Variants in ENTREP2 observed in about 807,000 individuals in gnomAD.
ENTREP2 encodes protein ENTREP2.
chr15:29,168,375 G>T, the ENTREP2 span, among the ~76,000 whole-genome samples: 2 of 152,134 alleles, frequency 1.3e-5, no homozygotes, highest in South Asian at 2.1e-4. Flanking sequence ...ACCCAATAAA[G>T]AAAGAAAGTA....
chr15:29,585,099 G>T, the ENTREP2 span, among the ~76,000 whole-genome samples: 3 of 152,078 alleles, frequency 2.0e-5, no homozygotes, highest in Admixed American at 2.0e-4. Context: ...AAATTATGTT[G>T]CATTCCTCTT....
At chr15:29,395,110 G>A in the ENTREP2 span, among the ~76,000 whole-genome samples, 95,890 of 144,620 alleles carry the variant, frequency 0.66, 34,395 homozygotes, top group Admixed American at 0.77. Flanking sequence ...GGATGGTCTC[G>A]ATCTCCTGAT....
chr15:29,298,363 A>G, the ENTREP2 span, among the ~76,000 whole-genome samples: 1 of 151,900 alleles, frequency 6.6e-6, no homozygotes, highest in Admixed American at 6.6e-5. Context: ...CAGAAAAGAG[A>G]AAAAAAAGGA....
the ENTREP2 span, among the ~76,000 whole-genome samples, chr15:29,167,546 G>A: frequency 1.1e-4 from 17 of 152,224 alleles, no homozygotes; most frequent in South Asian, 3.5e-3. Flanking sequence ...TATACAAATG[G>A]CCAACAAACA....
At chr15:29,162,343 G>C in the ENTREP2 span, among the ~76,000 whole-genome samples, 1 of 152,232 alleles carries the variant, frequency 6.6e-6, no homozygotes, top group African/African-American at 2.4e-5. Context: ...CAAATCTGGT[G>C]TGCAGATTCT....
chr15:29,669,874 T>C, the ENTREP2 span, among the ~76,000 whole-genome samples: 1 of 152,202 alleles, frequency 6.6e-6, no homozygotes. Context: ...TAGCTGTACG[T>C]GGCAGTGGCT....
the ENTREP2 span, among the ~76,000 whole-genome samples, chr15:29,396,239 C>G: frequency 6.6e-6 from 1 of 151,900 alleles, no homozygotes; most frequent in Non-Finnish European, 1.5e-5. Context: ...AAGTTTATAC[C>G]CTTTGACCAA....
chr15:29,414,063 C>T, the ENTREP2 span, among the ~76,000 whole-genome samples: 1 of 152,072 alleles, frequency 6.6e-6, no homozygotes, highest in Admixed American at 6.6e-5. Context: ...GACTTTAACA[C>T]CCCACTGTCA....
chr15:29,514,288 TATGAGTGGA>T, the ENTREP2 span, among the ~76,000 whole-genome samples: 1 of 152,208 alleles, frequency 6.6e-6, no homozygotes, highest in African/African-American at 2.4e-5. Context: ...AGGTGCCTCG[TATGAGTGGA>T]ATCATTCAGC....
the ENTREP2 span, among the ~76,000 whole-genome samples, chr15:29,578,323 A>AAC: frequency 6.6e-6 from 1 of 152,196 alleles, no homozygotes; most frequent in African/African-American, 2.4e-5. Context: ...TCCTAGGTAT[A>AAC]TACCCAAAGG....
At chr15:29,224,886 G>A in the ENTREP2 span, among the ~76,000 whole-genome samples, 6 of 152,174 alleles carry the variant, frequency 3.9e-5, no homozygotes, top group South Asian at 2.1e-4. Flanking sequence ...AGGAGCCCAC[G>A]GAAGTTGGGG....
At chr15:29,465,507 G>A in the ENTREP2 span, among the ~76,000 whole-genome samples, 1 of 152,114 alleles carries the variant, frequency 6.6e-6, no homozygotes, top group African/African-American at 2.4e-5. Context: ...TGACTTAAGT[G>A]GACCATAAAC....
the ENTREP2 span, among the ~76,000 whole-genome samples, chr15:29,151,276 A>G: frequency 2.4e-4 from 36 of 152,260 alleles, no homozygotes; most frequent in African/African-American, 7.9e-4. Flanking sequence ...TGGCCTCTGG[A>G]GTATGAGCTC....
At chr15:29,607,306 T>C in the ENTREP2 span, among the ~76,000 whole-genome samples, 1 of 95,492 alleles carries the variant, frequency 1.0e-5, no homozygotes, top group Non-Finnish European at 2.3e-5. Flanking sequence ...CTTCATTTCT[T>C]TTTTTTTTTT....
At chr15:29,268,940 G>A in the ENTREP2 span, 3 of 1,614,192 alleles carry the variant, frequency 1.9e-6, no homozygotes, top group Non-Finnish European at 1.7e-6. Context: ...CTGGTTTCCA[G>A]GTTGGTTCGC....
At chr15:29,178,477 A>G in the ENTREP2 span, among the ~76,000 whole-genome samples, 1 of 151,916 alleles carries the variant, frequency 6.6e-6, no homozygotes. Flanking sequence ...GTCTGGACTA[A>G]TTGCTAGTCA....
the ENTREP2 span, chr15:29,269,276 C>T: frequency 2.5e-6 from 4 of 1,614,062 alleles, no homozygotes; most frequent in South Asian, 4.4e-5. Flanking sequence ...GGTTCAAGTT[C>T]CACCAGCTTA....
chr15:29,584,468 A>G, the ENTREP2 span, among the ~76,000 whole-genome samples: 1 of 151,890 alleles, frequency 6.6e-6, no homozygotes, highest in Non-Finnish European at 1.5e-5. Flanking sequence ...TGTGTATGAA[A>G]TGGAATATTA....
chr15:29,135,342 G>A, the ENTREP2 span, among the ~76,000 whole-genome samples: 3 of 151,892 alleles, frequency 2.0e-5, no homozygotes, highest in Admixed American at 6.6e-5. The surrounding 1 kb of genome is among the most constrained non-coding windows in gnomAD (Gnocchi z 7.4). Flanking sequence ...CCAGTCGTTT[G>A]CTTTCTCTCC....
Sources: gnomAD v4.1 joint callset for allele counts (sites outside exome capture counted in the v4.1 genomes callset) on GRCh38, gnomAD v4.1.1 for gene constraint, Gnocchi (gnomAD v3.1) non-coding constraint, MANE v1.5 for transcripts, NCBI Gene and HGNC (gene_info 2026-07-23, HGNC 2026-07-21) for gene names.